Variants in COBLL1 observed in about 807,000 individuals in gnomAD.
COBLL1 encodes cordon-bleu protein-like 1.
Under a neutral mutation model 94.8 loss-of-function variants are expected in COBLL1, and 50 were observed. The observed-to-expected ratio is 0.53, with a 90% CI of 0.42 to 0.67. COBLL1 has a LOEUF of 0.67. Ranked by LOEUF, COBLL1 falls within the 30% of genes least tolerant of loss-of-function variation. The probability of loss-of-function intolerance (pLI) is 0.00; values close to 1 mark genes in which losing one functional copy is unlikely to be tolerated. For missense variants in COBLL1, 1,362 were observed against 1,348.7 expected (o/e 1.01, Z -0.15); for synonymous variants, 448 against 473.8 (o/e 0.95, Z 0.71).
chr2:164,781,351 G>A (rs914257272), intron 2 of COBLL1, among the ~76,000 whole-genome samples: 1 of 152,204 alleles, frequency 6.6e-6, no homozygotes, highest in Admixed American at 6.5e-5. Flanking sequence ...ACAGTTTTGA[G>A]AAAGGCTGAT....
At chr2:164,796,545 C>A (rs1181847423) in intron 2 of COBLL1, among the ~76,000 whole-genome samples, 2 of 151,458 alleles carry the variant, frequency 1.3e-5, no homozygotes, top group African/African-American at 4.8e-5. Context: ...TTTACTTATA[C>A]CTATTAATAT....
chr2:164,796,481 A>G (rs1452438439), intron 2 of COBLL1, among the ~76,000 whole-genome samples: 1 of 152,190 alleles, frequency 6.6e-6, no homozygotes, highest in Non-Finnish European at 1.5e-5. Context: ...TAAACAATCT[A>G]GAATTCTATA....
At chr2:164,724,925 C>T (rs1284160021) in intron 5 of COBLL1, 1 of 151,672 alleles carries the variant, frequency 6.6e-6, no homozygotes, top group Non-Finnish European at 1.5e-5. Flanking sequence ...ATACATTCTG[C>T]ACAATGAGTT....
At chr2:164,782,076 CTTCTAA>C (rs1404067024) in intron 2 of COBLL1, among the ~76,000 whole-genome samples, 1 of 152,110 alleles carries the variant, frequency 6.6e-6, no homozygotes, top group East Asian at 1.9e-4. Flanking sequence ...CCAGCCAACA[CTTCTAA>C]TTCTCATTAC....
intron 11 of COBLL1, chr2:164,696,258 C>T (rs1683937630): frequency 6.5e-6 from 1 of 153,310 alleles, no homozygotes; most frequent in African/African-American, 2.4e-5. Flanking sequence ...TAGAAATTGA[C>T]AAATTCAAAA....
chr2:164,735,328 G>A (rs1304371142), intron 3 of COBLL1, among the ~76,000 whole-genome samples: 1 of 152,212 alleles, frequency 6.6e-6, no homozygotes, highest in Non-Finnish European at 1.5e-5. Flanking sequence ...TGAAAGCTCT[G>A]TTGTTTTTTA....
intron 2 of COBLL1, among the ~76,000 whole-genome samples, chr2:164,762,562 T>G (rs141916329): frequency 1.3e-5 from 2 of 152,300 alleles, no homozygotes; most frequent in Non-Finnish European, 2.9e-5. Context: ...ATCAAATGTA[T>G]AGTGTATTAT....
chr2:164,703,337 T>A (rs1204080051), intron 9 of COBLL1: 2 of 670,826 alleles, frequency 3.0e-6, no homozygotes, highest in Non-Finnish European at 5.2e-6. Flanking sequence ...ATCCATGCAT[T>A]AAATAAGAAG....
chr2:164,689,843 T>A (rs1286774180), intron 13 of COBLL1, among the ~76,000 whole-genome samples: 1 of 152,156 alleles, frequency 6.6e-6, no homozygotes, highest in Admixed American at 6.6e-5. Flanking sequence ...CAACCCCTCC[T>A]TTTTTCCCTC....
Position 164,683,011 on chromosome 2 carries a change from C to CACAT in COBLL1, c.*2934_*2935insATGT. ...TCATGTTAAGAAACACACATACACA[C>CACAT]ACACACACACACACACACACACACA... On this transcript the variant is annotated 3_prime_UTR_variant, in exon 14 of 14. Coordinates refer to ENST00000652658, the MANE Select transcript of COBLL1 (RefSeq NM_001365672.2). 1 of 147,520 alleles carries CACAT rather than the reference C, an allele frequency of 6.8e-6. No individual in the cohort carries two copies. The highest frequency in any genetic ancestry group is 1.5e-5 in the Non-Finnish European group (1 of 66,576). The allele number at this position is 147,520 out of a possible 1,614,324, so 9.1% of individuals were successfully genotyped here.
intron 2 of COBLL1, among the ~76,000 whole-genome samples, chr2:164,811,324 T>C (rs1684446785): frequency 6.6e-6 from 1 of 152,008 alleles, no homozygotes; most frequent in African/African-American, 2.4e-5. Context: ...AGTGCCATTA[T>C]AACTGCATGT....
intron 2 of COBLL1, among the ~76,000 whole-genome samples, chr2:164,801,782 C>T (rs910991761): frequency 6.6e-6 from 1 of 152,102 alleles, no homozygotes; most frequent in African/African-American, 2.4e-5. Context: ...TAAAAGTATC[C>T]ATGACAGGAG....
intron 2 of COBLL1, among the ~76,000 whole-genome samples, chr2:164,827,853 C>T (rs939548592): frequency 3.3e-5 from 5 of 152,064 alleles, no homozygotes; most frequent in Admixed American, 1.3e-4. Flanking sequence ...CAACCTTGCC[C>T]GTGATGGACA....
chr2:164,736,953 C>T lies in COBLL1; in HGVS notation c.230+6734G>A, dbSNP rs572908870. On this transcript the variant is annotated intron_variant, in intron 3 of 13. Transcript: ENST00000652658. ...CAATTTTTTGGCTTATCTGTATTTT[C>T]CAACTTTCTAAAACATCTAACTATT... is the stretch of plus-strand genomic sequence containing the variant. Among the ~76,000 whole-genome samples the T allele has an allele frequency of 3.3e-5, 5 of 152,214 alleles. No individual in the cohort carries two copies. In the East Asian group the frequency reaches 9.6e-4, roughly 29 times the overall value.
intron 2 of COBLL1, among the ~76,000 whole-genome samples, chr2:164,755,087 C>T (rs1687330073): frequency 6.6e-6 from 1 of 152,208 alleles, no homozygotes; most frequent in Non-Finnish European, 1.5e-5. Context: ...ATCACTTAAG[C>T]CTGGGATGTC....
chr2:164,727,965 TTACC>T lies in COBLL1; in HGVS notation c.661_661+3del. On this transcript the variant is annotated splice_donor_variant and splice_donor_region_variant and coding_sequence_variant and intron_variant, in exon 5 of 14. Coordinates refer to ENST00000652658, the MANE Select transcript of COBLL1 (RefSeq NM_001365672.2). LOFTEE classifies it high-confidence loss of function. ...TAAATAAATAAAATAAAAGTCTTACTTACCTCTGTTGACATCCATCGCATATAAT... is the reference window on the plus strand; with the variant it reads ...TAAATAAATAAAATAAAAGTCTTACTTCTGTTGACATCCATCGCATATAAT... 6.4e-7 allele frequency: 1 copy of T among 1,566,888 alleles called. No individual in the cohort carries two copies.
At chr2:164,729,782 A>G in intron 4 of COBLL1, 132 bp downstream of exon 4, 3 of 772,678 alleles carry the variant, frequency 3.9e-6, no homozygotes, top group Non-Finnish European at 6.3e-6. Flanking sequence ...TGAATCCTAA[A>G]CAAAGTGCCT....
intron 3 of COBLL1, among the ~76,000 whole-genome samples, chr2:164,732,317 G>C (rs79034371): frequency 0.015 from 2,266 of 152,198 alleles, 50 homozygotes; most frequent in African/African-American, 0.051. Flanking sequence ...GCCCATAAAT[G>C]TATCTATATT....
chr2:164,752,347 G>T (rs923317327), intron 2 of COBLL1, among the ~76,000 whole-genome samples: 2 of 152,082 alleles, frequency 1.3e-5, no homozygotes, highest in Admixed American at 1.3e-4. Flanking sequence ...TAAACCCAAG[G>T]TGTCTGATTC....
Sources: gnomAD v4.1 joint callset for allele counts (sites outside exome capture counted in the v4.1 genomes callset) on GRCh38, gnomAD v4.1.1 for gene constraint, MANE v1.5 for transcripts, NCBI Gene and HGNC (gene_info 2026-07-23, HGNC 2026-07-21) for gene names.